The following MAP2K4 variants were observed in gnomAD, a reference collection of about 807,000 sequenced individuals.
The protein encoded by MAP2K4 is mitogen-activated protein kinase kinase 4, also known as dual specificity mitogen-activated protein kinase kinase 4.
MAP2K4 carries 4 observed loss-of-function variants against 48.5 expected under a neutral mutation model. That is an observed-to-expected ratio of 0.08 (90% CI 0.04 to 0.19). The LOEUF is 0.19. MAP2K4 is among the 10% of genes least tolerant of loss of function. The pLI, the probability that MAP2K4 is intolerant of heterozygous loss-of-function variation, is 1.00. For missense variants in MAP2K4, 258 were observed against 493.3 expected (o/e 0.52, Z 4.52); for synonymous variants, 166 against 173.1 (o/e 0.96, Z 0.32).
At chr17:12,031,071 T>C (rs1350114595) in intron 1 of MAP2K4, among the ~76,000 whole-genome samples, 2 of 152,208 alleles carry the variant, frequency 1.3e-5, no homozygotes, top group African/African-American at 4.8e-5. Context: ...GGGTAGCATA[T>C]TGACCTTCAG....
rs1972119609 is a variant in MAP2K4, at chr17:12,106,566, CTA to C, written c.514-1219_514-1218del. 3.3e-5 allele frequency among the ~76,000 whole-genome samples: 5 copies of C among 151,930 alleles called. No homozygotes were observed. The South Asian group carries it at 1.0e-3, about 32-fold the overall frequency. The stretch of plus-strand genomic sequence containing the variant: ...TTTACTTTTAACAGGCATTAATCTC[CTA>C]TATAATCCAAGGATAGGATTGATTA... On this transcript the variant is annotated intron_variant, in intron 4 of 10. Transcript: ENST00000353533.
chr17:12,034,382 A>G (rs1001857494), intron 1 of MAP2K4, among the ~76,000 whole-genome samples: 2 of 152,334 alleles, frequency 1.3e-5, no homozygotes, highest in Non-Finnish European at 2.9e-5. Context: ...GTGGAGGGGC[A>G]TATGTATTCC....
chr17:12,113,484 G>C, intron 7 of MAP2K4, 124 bp downstream of exon 7: 1 of 1,205,074 alleles, frequency 8.3e-7, no homozygotes, highest in East Asian at 2.4e-5. Context: ...CTTACCCTAA[G>C]GCCCAAGCTC....
At chr17:12,046,030 C>T (rs1597408267) in intron 1 of MAP2K4, among the ~76,000 whole-genome samples, 1 of 152,150 alleles carries the variant, frequency 6.6e-6, no homozygotes, top group South Asian at 2.1e-4. Flanking sequence ...ACATGTATAG[C>T]AATAGTGTTT....
intron 9 of MAP2K4, among the ~76,000 whole-genome samples, chr17:12,131,965 A>G (rs1352683109): frequency 6.6e-6 from 1 of 152,224 alleles, no homozygotes; most frequent in East Asian, 1.9e-4. Flanking sequence ...GCCAGTAAAC[A>G]TATTCAATTT....
intron 2 of MAP2K4, among the ~76,000 whole-genome samples, chr17:12,064,191 T>C (rs1970542284): frequency 6.6e-6 from 1 of 152,126 alleles, no homozygotes; most frequent in Non-Finnish European, 1.5e-5. Flanking sequence ...CTGGAGTGCA[T>C]CATAGCTTAG....
intron 1 of MAP2K4, among the ~76,000 whole-genome samples, chr17:12,041,825 C>T (rs528242253): frequency 1.3e-5 from 2 of 152,098 alleles, no homozygotes; most frequent in African/African-American, 4.8e-5. Context: ...GGTGCTGTTA[C>T]GAAAAGAACT....
rs1484435890 is a variant in MAP2K4, at chr17:12,142,903, C to A, written c.*1643C>A. ...GTCATGGCCTGAGATGCAGGTGATG[C>A]CATTACAGAACCAAATCGTGGCACG... On this transcript the variant is annotated 3_prime_UTR_variant, in exon 11 of 11. Transcript: ENST00000353533. The A allele has an allele frequency of 4.3e-6, 1 of 232,474 alleles. No homozygotes were observed. Among genetic ancestry groups the A allele is most frequent in the South Asian group, 1.8e-4 (1 of 5,518 alleles). The allele number at this position is 232,474 out of a possible 1,614,324, so 14.4% of individuals were successfully genotyped here.
chr17:12,024,997 T>G (rs1308283173), intron 1 of MAP2K4, among the ~76,000 whole-genome samples: 1 of 152,218 alleles, frequency 6.6e-6, no homozygotes, highest in Non-Finnish European at 1.5e-5. Context: ...GAATAGCATA[T>G]TCTGATTAAT....
intron 1 of MAP2K4, among the ~76,000 whole-genome samples, chr17:12,030,722 C>A (rs1311078355): frequency 6.6e-6 from 1 of 152,252 alleles, no homozygotes; most frequent in East Asian, 1.9e-4. Context: ...TGTTTTCTTG[C>A]TCCTTTCGCC....
chr17:12,054,862 T>C (rs1472517434), intron 1 of MAP2K4, 27 bp from the exon 2 acceptor site: 1 of 1,505,506 alleles, frequency 6.6e-7, no homozygotes, highest in South Asian at 1.1e-5. Flanking sequence ...TACTTGAAAC[T>C]TTTACTTTTT....
intron 7 of MAP2K4, chr17:12,124,291 C>T (rs1054977243): frequency 6.6e-6 from 1 of 152,200 alleles, no homozygotes; most frequent in Non-Finnish European, 1.5e-5. Flanking sequence ...CCCTCTCTCT[C>T]TCTTCCCTTT....
At chr17:12,052,067 A>T (rs1970159183) in intron 1 of MAP2K4, among the ~76,000 whole-genome samples, 1 of 152,132 alleles carries the variant, frequency 6.6e-6, no homozygotes, top group Non-Finnish European at 1.5e-5. Flanking sequence ...CTGCCTTTCA[A>T]GTTCATCTTA....
intron 4 of MAP2K4, among the ~76,000 whole-genome samples, chr17:12,103,147 T>G (rs1027500373): frequency 3.3e-5 from 5 of 151,530 alleles, no homozygotes; most frequent in African/African-American, 9.7e-5. Flanking sequence ...TCAAGGGATC[T>G]TCCCACATCA....
intron 1 of MAP2K4, among the ~76,000 whole-genome samples, chr17:12,049,080 T>C (rs1163109913): frequency 6.6e-6 from 1 of 152,224 alleles, no homozygotes; most frequent in East Asian, 1.9e-4. Flanking sequence ...TCTGAAATTG[T>C]TTGACTGTAA....
intron 1 of MAP2K4, among the ~76,000 whole-genome samples, chr17:12,043,268 T>C (rs139279045): frequency 0.015 from 2,223 of 152,326 alleles, 25 homozygotes; most frequent in Middle Eastern, 0.027. Context: ...TGGATAGTTA[T>C]AAAAACCAAT....
chr17:12,051,707 A>G (rs1010289550), intron 1 of MAP2K4, among the ~76,000 whole-genome samples: 1 of 152,176 alleles, frequency 6.6e-6, no homozygotes, highest in Non-Finnish European at 1.5e-5. Context: ...CTCCCTGTGA[A>G]AGTTGTTTCA....
At chr17:12,134,310 C>T (rs1973134372) in intron 9 of MAP2K4, among the ~76,000 whole-genome samples, 1 of 151,922 alleles carries the variant, frequency 6.6e-6, no homozygotes, top group Non-Finnish European at 1.5e-5. Context: ...GAAATCTAAA[C>T]AAATATTTCC....
chr17:12,084,125 C>T (rs11652110), intron 3 of MAP2K4, among the ~76,000 whole-genome samples: 413 of 152,188 alleles, frequency 2.7e-3, no homozygotes, highest in Non-Finnish European at 4.9e-3. Flanking sequence ...GGAATTCCTT[C>T]CCCAAATTTA....
Sources: allele counts gnomAD v4.1 joint callset (sites outside exome capture counted in the v4.1 genomes callset), GRCh38; gene constraint gnomAD v4.1.1; transcripts MANE v1.5; gene names NCBI Gene and HGNC (gene_info 2026-07-23, HGNC 2026-07-21).